Variants in SYN3 observed in about 807,000 individuals in gnomAD.
SYN3 encodes the protein synapsin-3.
SYN3 carries 35 observed loss-of-function variants against 65.8 expected under a neutral mutation model. That is an observed-to-expected ratio of 0.53 (90% CI 0.41 to 0.70). SYN3 has a LOEUF of 0.70. Among genes scored for constraint, SYN3 ranks in the 30% least tolerant of loss-of-function variants. The pLI, the probability that SYN3 is intolerant of heterozygous loss-of-function variation, is 0.00. For missense variants in SYN3, 680 were observed against 749.0 expected (o/e 0.91, Z 1.08); for synonymous variants, 270 against 292.9 (o/e 0.92, Z 0.80).
chr22:32,586,068 G>T (rs13055847), intron 7 of SYN3, among the ~76,000 whole-genome samples: 1 of 132,700 alleles, frequency 7.5e-6, no homozygotes. Flanking sequence ...ATGTATATAT[G>T]TATACATGTA....
intron 6 of SYN3, among the ~76,000 whole-genome samples, chr22:32,629,180 G>A (rs369658962): frequency 1.2e-4 from 18 of 152,298 alleles, no homozygotes; most frequent in African/African-American, 4.3e-4. Context: ...TGGGATCTGG[G>A]TCAGTGATAG....
At chr22:32,587,986 G>A (rs1442940339) in intron 7 of SYN3, among the ~76,000 whole-genome samples, 2 of 152,120 alleles carry the variant, frequency 1.3e-5, no homozygotes, top group Admixed American at 1.3e-4. Context: ...TCAGTTTCCT[G>A]ATCTGTAAAA....
At chr22:32,997,669 C>T (rs1461407199) in intron 2 of SYN3, among the ~76,000 whole-genome samples, 1 of 152,124 alleles carries the variant, frequency 6.6e-6, no homozygotes, top group Non-Finnish European at 1.5e-5. Flanking sequence ...TGTAAATGCT[C>T]CCACAACAGC....
intron 6 of SYN3, among the ~76,000 whole-genome samples, chr22:32,813,757 G>C (rs1343315162): frequency 6.6e-6 from 1 of 151,888 alleles, no homozygotes. Context: ...TCAAACCTTG[G>C]CCTCGTTCAT....
intron 6 of SYN3, among the ~76,000 whole-genome samples, chr22:32,637,639 T>C (rs1226416764): frequency 0.049 from 4,412 of 90,610 alleles, 158 homozygotes; most frequent in African/African-American, 0.18. Context: ...TCTTTTTTTT[T>C]TTTTTTTTTT....
chr22:32,591,808 T>C (rs180830036), intron 7 of SYN3, among the ~76,000 whole-genome samples: 22 of 152,280 alleles, frequency 1.4e-4, no homozygotes, highest in Admixed American at 5.9e-4. Context: ...TCCTAGGTTT[T>C]GAAGTGCACA....
intron 6 of SYN3, among the ~76,000 whole-genome samples, chr22:32,688,929 T>C (rs2060627565): frequency 6.6e-6 from 1 of 152,202 alleles, no homozygotes; most frequent in Non-Finnish European, 1.5e-5. Flanking sequence ...TGCTTGCTCT[T>C]CCTTGTGTTA....
Position 32,869,127 on chromosome 22 carries a change from T to C in SYN3, c.462-2A>G, listed in dbSNP as rs1289176182. 5.0e-6 allele frequency: 8 copies of C among 1,612,882 alleles called. No individual in the cohort carries two copies. The highest frequency in any genetic ancestry group is 6.8e-6 in the Non-Finnish European group (8 of 1,179,222). ...ATGAAGTCTGGCTTGAAGGATCTGC[T>C]GAGAAAGCCAACAGCAGTGTTACCA... On this transcript the variant is annotated splice_acceptor_variant, in intron 4 of 13. Coordinates refer to ENST00000358763, the MANE Select transcript of SYN3 (RefSeq NM_003490.4). LOFTEE classifies it high-confidence loss of function.
chr22:32,516,363 ATTTATTTATT>A, intron 13 of SYN3, among the ~76,000 whole-genome samples: 1 of 151,466 alleles, frequency 6.6e-6, no homozygotes, highest in African/African-American at 2.4e-5. Flanking sequence ...TTATTTATTT[ATTTATTTATT>A]TATTTATTGA....
At chr22:32,992,555 G>A (rs1418101156) in intron 2 of SYN3, among the ~76,000 whole-genome samples, 2 of 152,170 alleles carry the variant, frequency 1.3e-5, no homozygotes, top group Admixed American at 6.5e-5. Flanking sequence ...GCTCACGCCT[G>A]TAATCCCAGC....
At chr22:32,806,418 C>T (rs143420300) in intron 6 of SYN3, among the ~76,000 whole-genome samples, 13 of 152,280 alleles carry the variant, frequency 8.5e-5, no homozygotes, top group East Asian at 3.9e-4. Context: ...AACAACAACA[C>T]GATTCTCCAT....
At chr22:33,056,069 G>T (rs1047108637) in intron 1 of SYN3, among the ~76,000 whole-genome samples, 1 of 151,986 alleles carries the variant, frequency 6.6e-6, no homozygotes, top group Non-Finnish European at 1.5e-5. Context: ...GAAGAGACTG[G>T]GTTTACTATA....
At chr22:32,624,514 G>A (rs891905421) in intron 6 of SYN3, among the ~76,000 whole-genome samples, 5 of 152,184 alleles carry the variant, frequency 3.3e-5, no homozygotes, top group Non-Finnish European at 5.9e-5. Flanking sequence ...CTTCTCCCCT[G>A]GGCCACCTCT....
At chr22:32,599,172 G>A (rs1259953563) in intron 6 of SYN3, among the ~76,000 whole-genome samples, 2 of 152,096 alleles carry the variant, frequency 1.3e-5, no homozygotes, top group Non-Finnish European at 2.9e-5. Context: ...TTAATATTAT[G>A]TAATGAGAAT....
At chr22:32,527,666 G>A in intron 12 of SYN3, 1 of 397,644 alleles carries the variant, frequency 2.5e-6, no homozygotes, top group Non-Finnish European at 4.5e-6. Flanking sequence ...ATAAAAGTGA[G>A]AAAATAGGTG....
At chr22:32,953,732 T>C (rs2051360348) in intron 3 of SYN3, among the ~76,000 whole-genome samples, 1 of 152,124 alleles carries the variant, frequency 6.6e-6, no homozygotes, top group Non-Finnish European at 1.5e-5. Context: ...CTGCATGAGA[T>C]GGGAAGATGT....
intron 3 of SYN3, among the ~76,000 whole-genome samples, chr22:32,955,160 T>C (rs1264439339): frequency 1.3e-5 from 2 of 152,242 alleles, no homozygotes; most frequent in East Asian, 1.9e-4. Context: ...GGTGAGGACC[T>C]ACTACTTCCT....
Position 32,801,828 on chromosome 22 carries a change from C to T in SYN3, c.711+63087G>A. ...TCCTGCGCCAGCGCCGAGGCAGCCT[C>T]GCTGCGCCCCATCCCGTCCCGCCGG... On this transcript the variant is annotated intron_variant, in intron 6 of 13. Coordinates refer to ENST00000358763, the MANE Select transcript of SYN3 (RefSeq NM_003490.4). The surrounding 1 kb of genome is among the most constrained non-coding windows in gnomAD (Gnocchi z 4.7). 2.7e-6 allele frequency: 2 copies of T among 747,184 alleles called. No homozygotes were observed. Among genetic ancestry groups the T allele is most frequent in the East Asian group, 4.7e-5 (1 of 21,090 alleles). The allele number at this position is 747,184 out of a possible 1,614,324, so 46.3% of individuals were successfully genotyped here.
chr22:32,596,528 G>A lies in SYN3; in HGVS notation c.774+146C>T, dbSNP rs1214206083. On this transcript the variant is annotated intron_variant, in intron 7 of 13. Transcript: ENST00000358763. ...CTCTGAGGAAGGTGGGCTGGGAGGG[G>A]AAGGAGATGTACTATGGATTCTTTC... The A allele has an allele frequency of 1.8e-5, 13 of 738,626 alleles. 1 individual carries two copies. The South Asian group carries it at 2.6e-4, about 15-fold the overall frequency. The allele number at this position is 738,626 out of a possible 1,614,324, so 45.8% of individuals were successfully genotyped here.
Sources: gnomAD v4.1 joint callset for allele counts (sites outside exome capture counted in the v4.1 genomes callset) on GRCh38, gnomAD v4.1.1 for gene constraint, Gnocchi (gnomAD v3.1) non-coding constraint, MANE v1.5 for transcripts, NCBI Gene and HGNC (gene_info 2026-07-23, HGNC 2026-07-21) for gene names.